FSTL5: variants seen among roughly 807,000 people sequenced by gnomAD.
The protein encoded by FSTL5 is follistatin like 5.
Under a neutral mutation model 89.1 loss-of-function variants are expected in FSTL5, and 62 were observed. The observed-to-expected ratio is 0.70, with a 90% CI of 0.57 to 0.86. FSTL5 has a LOEUF of 0.86. FSTL5 is among the 40% of genes least tolerant of loss of function. FSTL5 has a pLI of 0.00. For missense variants in FSTL5, 1,057 were observed against 1,001.6 expected, an observed-to-expected ratio of 1.06 and a Z score of -0.75; for synonymous variants, 383 against 346.2, an observed-to-expected ratio of 1.11 and a Z score of -1.18.
At chr4:161,424,459 A>G (rs918791233) in intron 15 of FSTL5, among the ~76,000 whole-genome samples, 2 of 151,676 alleles carry the variant, frequency 1.3e-5, no homozygotes, top group African/African-American at 4.8e-5. Flanking sequence ...GAATTTCTTA[A>G]ATGTTTCCTG....
intron 7 of FSTL5, among the ~76,000 whole-genome samples, chr4:161,589,748 C>A (rs975224789): frequency 1.3e-5 from 2 of 152,104 alleles, no homozygotes; most frequent in African/African-American, 4.8e-5. Flanking sequence ...GAGGAATGGG[C>A]TCTCCGTAGA....
intron 6 of FSTL5, among the ~76,000 whole-genome samples, chr4:161,681,900 T>C (rs753859734): frequency 1.3e-5 from 2 of 152,148 alleles, no homozygotes; most frequent in South Asian, 4.1e-4. Context: ...AATGCAACAT[T>C]AGGTAATTTC....
chr4:161,782,305 T>C (rs572539617), intron 4 of FSTL5, among the ~76,000 whole-genome samples: 34 of 152,290 alleles, frequency 2.2e-4, no homozygotes, highest in Admixed American at 2.1e-3. Context: ...TTTAGTTTTG[T>C]AAGAAGCTGT....
intron 4 of FSTL5, among the ~76,000 whole-genome samples, chr4:161,843,544 C>T (rs537501670): frequency 8.6e-4 from 131 of 151,946 alleles, no homozygotes; most frequent in African/African-American, 2.6e-3. Flanking sequence ...GTTCAAACTA[C>T]GCTACAAGGC....
In FSTL5 at chr4:162,088,327, C is replaced by T. The variant is rs192192365; in HGVS notation, c.126+22944G>A. On this transcript the variant is annotated intron_variant, in intron 2 of 15. Coordinates refer to ENST00000306100, the MANE Select transcript of FSTL5 (RefSeq NM_020116.5). ...TACAGAAATGTATAGAATTATAACT[C>T]AAGTATTAACTTTTCAAGATTTTTG... Among the ~76,000 whole-genome samples the T allele has an allele frequency of 2.7e-3, 405 of 151,966 alleles. 2 individuals carry two copies. Among genetic ancestry groups the T allele is most frequent in the African/African-American group, 9.4e-3 (391 of 41,494 alleles).
intron 7 of FSTL5, among the ~76,000 whole-genome samples, chr4:161,652,761 T>C (rs888948702): frequency 1.3e-5 from 2 of 152,170 alleles, no homozygotes; most frequent in African/African-American, 2.4e-5. Context: ...AATTAAAATG[T>C]ATTTATGTGT....
intron 6 of FSTL5, among the ~76,000 whole-genome samples, chr4:161,747,909 A>C (rs1388361878): frequency 6.6e-6 from 1 of 152,194 alleles, no homozygotes; most frequent in African/African-American, 2.4e-5. Flanking sequence ...ATTTAACATA[A>C]ATTTACTTTT....
intron 7 of FSTL5, among the ~76,000 whole-genome samples, chr4:161,620,082 C>A (rs938388620): frequency 6.6e-6 from 1 of 150,484 alleles, no homozygotes; most frequent in Non-Finnish European, 1.5e-5. Context: ...AGTAAACTAT[C>A]GCAAGAAGAA....
At chr4:162,122,749 T>C (rs770048406) in intron 1 of FSTL5, among the ~76,000 whole-genome samples, 2 of 152,140 alleles carry the variant, frequency 1.3e-5, no homozygotes, top group Non-Finnish European at 2.9e-5. Flanking sequence ...ACACTCTTTA[T>C]GTACTTTATT....
chr4:161,535,696 A>C (rs551901719), intron 10 of FSTL5, among the ~76,000 whole-genome samples: 1 of 152,244 alleles, frequency 6.6e-6, no homozygotes, highest in Admixed American at 6.5e-5. Flanking sequence ...AAAGAACTTA[A>C]AACAGACGTT....
chr4:161,761,582 C>T (rs1257517623), intron 5 of FSTL5, among the ~76,000 whole-genome samples: 2 of 152,148 alleles, frequency 1.3e-5, no homozygotes, highest in Non-Finnish European at 2.9e-5. Context: ...TGTTTTAATA[C>T]TTTACAAACT....
chr4:161,599,702 A>G (rs1401808003), intron 7 of FSTL5, among the ~76,000 whole-genome samples: 1 of 152,114 alleles, frequency 6.6e-6, no homozygotes, highest in Admixed American at 6.6e-5. Context: ...AAGATCTGAT[A>G]GCAGCTTTGC....
intron 6 of FSTL5, among the ~76,000 whole-genome samples, chr4:161,680,788 A>G (rs1737493003): frequency 1.3e-5 from 2 of 152,030 alleles, no homozygotes; most frequent in South Asian, 4.1e-4. Flanking sequence ...TTTATGAAAG[A>G]TTAAGTAAAC....
At chr4:161,746,197 CA>C (rs1013742071) in intron 6 of FSTL5, among the ~76,000 whole-genome samples, 45 of 151,814 alleles carry the variant, frequency 3.0e-4, no homozygotes, top group African/African-American at 1.1e-3. Context: ...GGTGCACCCT[CA>C]AAAGTCACAA....
At chr4:161,667,229 T>C (rs1015588604) in intron 6 of FSTL5, among the ~76,000 whole-genome samples, 1 of 152,116 alleles carries the variant, frequency 6.6e-6, no homozygotes, top group Non-Finnish European at 1.5e-5. Flanking sequence ...TTATATAAAG[T>C]TGAATTTTAA....
chr4:161,712,085 A>G (rs1738799675), intron 6 of FSTL5, among the ~76,000 whole-genome samples: 1 of 152,168 alleles, frequency 6.6e-6, no homozygotes, highest in African/African-American at 2.4e-5. Flanking sequence ...TGTGTTTGTT[A>G]CTACCTCTCT....
chr4:161,862,122 G>A (rs899061622), intron 4 of FSTL5, among the ~76,000 whole-genome samples: 1 of 152,174 alleles, frequency 6.6e-6, no homozygotes, highest in African/African-American at 2.4e-5. Flanking sequence ...TAGATAAAGT[G>A]TCTTTGATAA....
At chr4:161,929,916 C>T (rs1038056374) in intron 3 of FSTL5, among the ~76,000 whole-genome samples, 6 of 151,406 alleles carry the variant, frequency 4.0e-5, no homozygotes, top group African/African-American at 1.5e-4. Flanking sequence ...CTCATTTTTC[C>T]CTCAAATTTA....
At chr4:161,429,520 G>T (rs1207050903) in intron 15 of FSTL5, among the ~76,000 whole-genome samples, 1 of 152,294 alleles carries the variant, frequency 6.6e-6, no homozygotes, top group Middle Eastern at 3.4e-3. Flanking sequence ...AGCACAGAAA[G>T]ACTTTGTTTG....
Sources: gnomAD v4.1 joint callset for allele counts (sites outside exome capture counted in the v4.1 genomes callset) on GRCh38, gnomAD v4.1.1 for gene constraint, MANE v1.5 for transcripts, NCBI Gene and HGNC (gene_info 2026-07-23, HGNC 2026-07-21) for gene names.